The following TPCN2 variants were observed in gnomAD, a reference collection of about 807,000 sequenced individuals.
TPCN2 encodes two pore segment channel 2, also known as two pore channel protein 2.
Under a neutral mutation model 111.4 loss-of-function variants are expected in TPCN2, and 92 were observed. The ratio of observed to expected loss-of-function variants is 0.83; its 90% CI spans 0.70 to 0.98. The LOEUF (loss-of-function observed/expected upper bound fraction) is 0.98, where lower values mean the gene tolerates loss of function less well. Among genes scored for constraint, TPCN2 ranks in the 50% least tolerant of loss-of-function variants. The pLI is 0.00. For synonymous variants in TPCN2, 405 were observed against 414.5 expected (o/e 0.98, Z 0.28); for missense variants, 995 against 980.1 (o/e 1.02, Z -0.20).
intron 13 of TPCN2, among the ~76,000 whole-genome samples, chr11:69,076,980 T>C (rs1226249428): frequency 3.5e-5 from 2 of 57,436 alleles, no homozygotes; most frequent in Non-Finnish European, 6.6e-5. Context: ...TCCTGCCATG[T>C]CCCTCCACCT....
Position 69,085,192 on chromosome 11 carries a change from C to A in TPCN2, c.1762-18C>A, listed in dbSNP as rs2290420. On this transcript the variant is annotated intron_variant, in intron 19 of 24. Transcript: ENST00000294309. ...CCCATGGGTGGGGCTGATCAGTCCCCGGCTCCTGGCCCGCCAGGTGGTCTA... is the reference window on the plus strand; with the variant it reads ...CCCATGGGTGGGGCTGATCAGTCCCAGGCTCCTGGCCCGCCAGGTGGTCTA... 7 of 1,613,340 alleles carry A rather than the reference C, an allele frequency of 4.3e-6. No individual in the cohort carries two copies. Among genetic ancestry groups the A allele is most frequent in the Non-Finnish European group, 5.9e-6 (7 of 1,179,474 alleles).
intron 16 of TPCN2, 95 bp downstream of exon 16, chr11:69,079,115 C>T (rs1035942503): frequency 1.4e-6 from 2 of 1,449,942 alleles, no homozygotes; most frequent in Non-Finnish European, 1.8e-6. Context: ...CCCCTGAGGA[C>T]TAGAGGCTGT....
At chr11:69,074,595 G>A (rs958625986) in intron 13 of TPCN2, among the ~76,000 whole-genome samples, 7 of 152,132 alleles carry the variant, frequency 4.6e-5, no homozygotes, top group Non-Finnish European at 1.0e-4. Context: ...AGCTCTTAGC[G>A]GCTGTCGTAG....
At chr11:69,049,170 G>A in intron 1 of TPCN2, 64 bp downstream of exon 1, 2 of 1,029,490 alleles carry the variant, frequency 1.9e-6, no homozygotes, top group East Asian at 3.3e-5. Context: ...TGGGGGTCCC[G>A]CTGTCCCAGC....
chr11:69,064,641 A>T (rs1855183099), intron 7 of TPCN2, among the ~76,000 whole-genome samples: 1 of 152,186 alleles, frequency 6.6e-6, no homozygotes, highest in Admixed American at 6.5e-5. Context: ...GCCACGCTGC[A>T]TCTCTGCTGC....
intron 24 of TPCN2, 116 bp from the exon 25 acceptor site, chr11:69,087,758 TG>T (rs1253177524): frequency 2.8e-6 from 2 of 716,926 alleles, no homozygotes; most frequent in African/African-American, 3.6e-5. Context: ...CGTGTCTCTG[TG>T]TCCCTGTGAC....
At position 69,085,220 on chromosome 11, in the gene TPCN2, A is replaced by G. The variant is rs561059890; in HGVS notation, c.1772A>G (p.Tyr591Cys). ...AFGGILVVVYYVFAIIGINLF... is the reference protein window; with the variant it reads ...AFGGILVVVYCVFAIIGINLF... ...CTCCTGGCCCGCCAGGTGGTCTACT[A>G]CGTATTTGCCATCATTGGGATCAAC... The change falls in exon 20 of 25, where the codon TAC (tyrosine) becomes TGC (cysteine). Residue 591 changes from tyrosine to cysteine, a missense_variant. By Grantham distance (194) the Tyr-to-Cys change is radical. Transcript: ENST00000294309. 5 of 1,613,266 alleles carry G rather than the reference A, an allele frequency of 3.1e-6. No individual in the cohort carries two copies. The highest frequency in any genetic ancestry group is 2.2e-5 in the South Asian group (2 of 91,076).
At chr11:69,080,098 C>T (rs536638895) in intron 17 of TPCN2, among the ~76,000 whole-genome samples, 14 of 152,346 alleles carry the variant, frequency 9.2e-5, no homozygotes, top group Admixed American at 7.8e-4. Context: ...GAAGCTGGCA[C>T]CCCGCAGGCT....
In TPCN2 at chr11:69,063,008, T is replaced by C. The variant is rs1291602708; in HGVS notation, c.653+18T>C. 6.8e-6 allele frequency: 11 copies of C among 1,611,020 alleles called. No individual in the cohort carries two copies. Among genetic ancestry groups the C allele is most frequent in the Non-Finnish European group, 7.6e-6 (9 of 1,177,306 alleles). On this transcript the variant is annotated intron_variant, in intron 6 of 24. Coordinates refer to ENST00000294309, the MANE Select transcript of TPCN2 (RefSeq NM_139075.4). Reference sequence around the variant, plus strand: ...ATGGCCAGGTGGGCTCTTGGTGCTCTGGGCTCGCAGGGTTGGGAAGGGGCT... The same window carrying C: ...ATGGCCAGGTGGGCTCTTGGTGCTCCGGGCTCGCAGGGTTGGGAAGGGGCT...
chr11:69,085,182 G>T (rs1295002250), intron 19 of TPCN2, 28 bp from the exon 20 acceptor site: 1 of 1,611,310 alleles, frequency 6.2e-7, no homozygotes, highest in Admixed American at 1.7e-5. Context: ...GGGTGGGGCT[G>T]ATCAGTCCCC....
intron 5 of TPCN2, among the ~76,000 whole-genome samples, chr11:69,060,937 C>T (rs1854993649): frequency 6.6e-6 from 1 of 152,222 alleles, no homozygotes; most frequent in Non-Finnish European, 1.5e-5. Flanking sequence ...GTTCTCTTGG[C>T]CTTCTCAGTC....
chr11:69,081,317 G>A (rs557243345), intron 17 of TPCN2, 83 bp from the exon 18 acceptor site: 313 of 927,610 alleles, frequency 3.4e-4, no homozygotes, highest in Middle Eastern at 3.0e-3. Context: ...CTGCGCCTCC[G>A]TCCAGGAACC....
rs1468637354 is a variant in TPCN2, at chr11:69,072,017, C to G, written c.1055C>G (p.Pro352Arg). Reference sequence around the variant, plus strand: ...ATGGTGGGGGAGGGAGGAGCCTTCCCTCAGGCGTGAGTGCTGGGCATGGAC... The same window carrying G: ...ATGGTGGGGGAGGGAGGAGCCTTCCGTCAGGCGTGAGTGCTGGGCATGGAC... ...SSMVGEGGAFPQAVGVKPQNL... is the reference protein window; with the variant it reads ...SSMVGEGGAFRQAVGVKPQNL... The change falls in exon 11 of 25, where the codon CCT (proline) becomes CGT (arginine). Residue 352 changes from proline to arginine, a missense_variant. Coordinates refer to ENST00000294309, the MANE Select transcript of TPCN2 (RefSeq NM_139075.4). The G allele has an allele frequency of 6.2e-7, 1 of 1,613,196 alleles. No individual in the cohort carries two copies. The highest frequency in any genetic ancestry group is 8.5e-7 in the Non-Finnish European group (1 of 1,179,556).
At position 69,055,367 on chromosome 11, in the gene TPCN2, A is replaced by G. The variant is rs1432793811; in HGVS notation, c.429+15A>G. ...TCTCTGTGAAGGTGAGGCGGGCGCC[A>G]GGCCCTCTACGTGCTGCCCCGGCCT... On this transcript the variant is annotated intron_variant, in intron 4 of 24. Transcript: ENST00000294309. 6.3e-7 allele frequency: 1 copy of G among 1,593,464 alleles called. No homozygotes were observed. Among genetic ancestry groups the G allele is most frequent in the South Asian group, 1.1e-5 (1 of 89,712 alleles).
At chr11:69,065,816 A>G (rs950218868) in intron 7 of TPCN2, among the ~76,000 whole-genome samples, 21 of 152,058 alleles carry the variant, frequency 1.4e-4, no homozygotes, top group African/African-American at 4.8e-4. Context: ...CCCATTTTAC[A>G]GATGTTTCTC....
At chr11:69,066,774 G>A (rs1438117124) in intron 7 of TPCN2, among the ~76,000 whole-genome samples, 1 of 152,202 alleles carries the variant, frequency 6.6e-6, no homozygotes, top group African/African-American at 2.4e-5. Flanking sequence ...TGGTTTGCGG[G>A]AACCACCCAT....
At chr11:69,058,903 A>C (rs763149783) in intron 5 of TPCN2, among the ~76,000 whole-genome samples, 5 of 152,246 alleles carry the variant, frequency 3.3e-5, no homozygotes, top group African/African-American at 7.2e-5. Flanking sequence ...TTACAGGCTA[A>C]ATTGTAAGCC....
In TPCN2 at chr11:69,051,571, T is replaced by C. The variant is rs572023446; in HGVS notation, c.110-2462T>C. Among the ~76,000 whole-genome samples, 8 of 152,350 alleles carry C rather than the reference T, an allele frequency of 5.3e-5. No individual in the cohort carries two copies. In the South Asian group the frequency reaches 1.7e-3, roughly 32 times the overall value. On this transcript the variant is annotated intron_variant, in intron 1 of 24. Coordinates refer to ENST00000294309, the MANE Select transcript of TPCN2 (RefSeq NM_139075.4). ...GGGAGCGGGAGCTCAGACCTGGATG[T>C]TGCGGGGCAGAGGCTTGGATTAGGA...
In TPCN2 at chr11:69,071,920, C is replaced by G. The variant is rs916289572; in HGVS notation, c.961-3C>G. 6.2e-7 allele frequency: 1 copy of G among 1,613,590 alleles called. No homozygotes were observed. The highest frequency in any genetic ancestry group is 8.5e-7 in the Non-Finnish European group (1 of 1,179,730). On this transcript the variant is annotated splice_polypyrimidine_tract_variant and splice_region_variant and intron_variant, in intron 10 of 24. Transcript: ENST00000294309. ...CTGCCGTTCATAGCCTTCCTCTTTG[C>G]AGAAATCTCTCCAGACCTCGCTGTT...
Sources: gnomAD v4.1 joint callset for allele counts (sites outside exome capture counted in the v4.1 genomes callset) on GRCh38, gnomAD v4.1.1 for gene constraint, MANE v1.5 for transcripts, NCBI Gene and HGNC (gene_info 2026-07-23, HGNC 2026-07-21) for gene names.